LRTM3: variants seen among roughly 807,000 people sequenced by gnomAD.
LRTM3 encodes the protein leucine rich repeat transmembrane protein 3.
the LRTM3 span, among the ~76,000 whole-genome samples, chr13:102,755,448 C>T: frequency 3.9e-5 from 6 of 152,276 alleles, no homozygotes; most frequent in East Asian, 1.9e-4. Context: ...GGTACATATA[C>T]ATCATGTAAT....
chr13:102,745,225 T>A, the LRTM3 span: 17 of 1,550,874 alleles, frequency 1.1e-5, no homozygotes, highest in Middle Eastern at 1.7e-4. Context: ...GAATTACTTT[T>A]AACAATGCCT....
chr13:102,746,698 T>A, the LRTM3 span: 1 of 1,551,168 alleles, frequency 6.4e-7, no homozygotes, highest in Non-Finnish European at 8.7e-7. Context: ...TGAAAGTCTC[T>A]GGCGAAGTTG....
the LRTM3 span, chr13:102,749,283 T>C: frequency 6.4e-7 from 1 of 1,551,172 alleles, no homozygotes. Flanking sequence ...TTCTGCCCTT[T>C]AATGGTAGAC....
At chr13:102,748,416 C>G in the LRTM3 span, 1 of 1,551,212 alleles carries the variant, frequency 6.4e-7, no homozygotes, top group South Asian at 1.2e-5. Flanking sequence ...AACTCCAGAA[C>G]AAGTTCCAAA....
the LRTM3 span, chr13:102,738,041 C>T: frequency 6.5e-7 from 1 of 1,549,988 alleles, no homozygotes; most frequent in South Asian, 1.2e-5. Context: ...TCCTGCACCT[C>T]TTCTGTCCTC....
the LRTM3 span, chr13:102,732,772 A>G: frequency 6.4e-6 from 10 of 1,551,230 alleles, no homozygotes; most frequent in Non-Finnish European, 8.7e-6. Flanking sequence ...GCAGATGTAA[A>G]GCTCTGTTTG....
the LRTM3 span, chr13:102,737,092 G>T: frequency 1.3e-6 from 2 of 1,551,142 alleles, no homozygotes; most frequent in Non-Finnish European, 1.7e-6. Flanking sequence ...TGCTGCCAGG[G>T]ATATTGAGTG....
the LRTM3 span, chr13:102,738,921 C>T: frequency 1.3e-6 from 2 of 1,550,582 alleles, no homozygotes; most frequent in Non-Finnish European, 1.7e-6. Context: ...TTTTCCAAAG[C>T]CTTTTCCACT....
the LRTM3 span, among the ~76,000 whole-genome samples, chr13:102,754,808 T>C: frequency 1.3e-5 from 2 of 152,158 alleles, no homozygotes; most frequent in Non-Finnish European, 2.9e-5. Context: ...TCTAGAGCCA[T>C]GGTAACCAAT....
At chr13:102,735,408 T>C in the LRTM3 span, 18 of 1,551,332 alleles carry the variant, frequency 1.2e-5, no homozygotes, top group African/African-American at 1.2e-4. Context: ...ACTTTTGCAA[T>C]TCTTATCACG....
chr13:102,731,462 T>C, the LRTM3 span: 1 of 1,551,532 alleles, frequency 6.4e-7, no homozygotes, highest in Non-Finnish European at 8.7e-7. Flanking sequence ...CTTATTTTTT[T>C]CTTTGGGAGT....
the LRTM3 span, among the ~76,000 whole-genome samples, chr13:102,752,138 T>C: frequency 6.6e-6 from 1 of 152,130 alleles, no homozygotes; most frequent in Non-Finnish European, 1.5e-5. Context: ...CTAGGAAGGA[T>C]GTGCAGTGGG....
At chr13:102,758,305 C>G in the LRTM3 span, 1 of 694,620 alleles carries the variant, frequency 1.4e-6, no homozygotes, top group Non-Finnish European at 2.4e-6. Flanking sequence ...TATTGAACAG[C>G]TAGGAAAACC....
the LRTM3 span, chr13:102,745,439 AC>A: frequency 6.4e-7 from 1 of 1,550,786 alleles, no homozygotes; most frequent in Non-Finnish European, 8.7e-7. Flanking sequence ...TGTTTCATCT[AC>A]CCCCTTTTTG....
At chr13:102,738,759 G>T in the LRTM3 span, 42 of 1,550,394 alleles carry the variant, frequency 2.7e-5, no homozygotes, top group African/African-American at 4.1e-5. Context: ...TTAGAGTAAG[G>T]TAGAAAAGAG....
At chr13:102,738,202 C>G in the LRTM3 span, 2 of 1,550,892 alleles carry the variant, frequency 1.3e-6, no homozygotes, top group South Asian at 2.4e-5. Context: ...TTATGTCTTT[C>G]TTAGCTGATA....
chr13:102,737,576 T>C, the LRTM3 span: 1 of 1,550,820 alleles, frequency 6.4e-7, no homozygotes. Flanking sequence ...CCCTGGCTCT[T>C]TAGGATTCAG....
At chr13:102,747,312 G>C in the LRTM3 span, 1 of 1,549,560 alleles carries the variant, frequency 6.5e-7, no homozygotes, top group East Asian at 2.4e-5. Context: ...ATTTTATCTT[G>C]CAGTATCTGT....
the LRTM3 span, chr13:102,743,479 A>G: frequency 1.3e-6 from 2 of 1,549,110 alleles, no homozygotes; most frequent in African/African-American, 2.7e-5. Flanking sequence ...CACTGATTTT[A>G]TGTATCTGTG....
Sources: allele counts gnomAD v4.1 joint callset (sites outside exome capture counted in the v4.1 genomes callset), GRCh38; gene constraint gnomAD v4.1.1; transcripts MANE v1.5; gene names NCBI Gene and HGNC (gene_info 2026-07-23, HGNC 2026-07-21).